Variants in PTPRN2 observed in about 807,000 individuals in gnomAD.
PTPRN2 encodes the protein receptor-type tyrosine-protein phosphatase N2.
Under a neutral mutation model 118.8 loss-of-function variants are expected in PTPRN2, and 74 were observed. The ratio of observed to expected loss-of-function variants is 0.62; its 90% CI spans 0.52 to 0.76. PTPRN2 has a LOEUF of 0.76. Ranked by LOEUF, PTPRN2 falls within the 30% of genes least tolerant of loss-of-function variation. The pLI is 0.00. For missense variants in PTPRN2, 1,481 were observed against 1,394.4 expected, an observed-to-expected ratio of 1.06 and a Z score of -0.99; for synonymous variants, 641 against 608.0, an observed-to-expected ratio of 1.05 and a Z score of -0.80.
chr7:157,963,823 G>A (rs1367153760), intron 11 of PTPRN2, among the ~76,000 whole-genome samples: 1 of 152,176 alleles, frequency 6.6e-6, no homozygotes, highest in African/African-American at 2.4e-5. Flanking sequence ...CCAATGGCCG[G>A]GGTTGCTACA....
At position 158,492,336 on chromosome 7, in the gene PTPRN2, G is replaced by A. The variant is rs75409340; in HGVS notation, c.113-2551C>T. On this transcript the variant is annotated intron_variant, in intron 1 of 22. Coordinates refer to ENST00000389418, the MANE Select transcript of PTPRN2 (RefSeq NM_002847.5). ...CAGGGATGCTGCAGACACAGCTCACGTTCTAACTCCATGTTTGTCACGTGG... is the reference window on the plus strand; with the variant it reads ...CAGGGATGCTGCAGACACAGCTCACATTCTAACTCCATGTTTGTCACGTGG... 5.9e-4 allele frequency among the ~76,000 whole-genome samples: 90 copies of A among 152,332 alleles called. 1 individual carries two copies. In the East Asian group the frequency reaches 0.014, roughly 25 times the overall value.
At chr7:158,405,308 A>AGAGGCCACC (rs1454503593) in intron 2 of PTPRN2, among the ~76,000 whole-genome samples, 3 of 152,324 alleles carry the variant, frequency 2.0e-5, no homozygotes, top group Admixed American at 2.0e-4. Flanking sequence ...GCATGGCCAC[A>AGAGGCCACC]GAGGCCACCC....
intron 2 of PTPRN2, among the ~76,000 whole-genome samples, chr7:158,337,542 GTCATTC>G (rs1805900472): frequency 2.8e-5 from 4 of 140,570 alleles, no homozygotes; most frequent in African/African-American, 1.1e-4. Context: ...ACCTGCAGAC[GTCATTC>G]ACACCCACAC....
In PTPRN2 at chr7:157,543,444, C is replaced by T. The variant is rs539650922; in HGVS notation, c.2977-2659G>A. On this transcript the variant is annotated intron_variant, in intron 22 of 22. Coordinates refer to ENST00000389418, the MANE Select transcript of PTPRN2 (RefSeq NM_002847.5). Reference sequence around the variant, plus strand: ...CCACCCCTGGGTCCACGCTGGACAGCGAGTGGGAACGCCCCTTCTCAGGCT... The same window carrying T: ...CCACCCCTGGGTCCACGCTGGACAGTGAGTGGGAACGCCCCTTCTCAGGCT... 1.1e-4 allele frequency among the ~76,000 whole-genome samples: 17 copies of T among 152,344 alleles called. No individual in the cohort carries two copies. In the East Asian group the frequency reaches 2.7e-3, roughly 24 times the overall value.
intron 1 of PTPRN2, among the ~76,000 whole-genome samples, chr7:158,572,490 C>G (rs1320119730): frequency 1.3e-5 from 2 of 152,190 alleles, no homozygotes; most frequent in African/African-American, 4.8e-5. Flanking sequence ...TCTGCTGAAC[C>G]CTTTCTGGGT....
intron 12 of PTPRN2, among the ~76,000 whole-genome samples, chr7:157,683,565 C>T (rs1797015313): frequency 6.6e-6 from 1 of 152,192 alleles, no homozygotes; most frequent in Admixed American, 6.5e-5. Context: ...CAGACCACAA[C>T]ACTTGCCACC....
chr7:158,284,294 C>G (rs2151006812), intron 3 of PTPRN2, among the ~76,000 whole-genome samples: 1 of 151,828 alleles, frequency 6.6e-6, no homozygotes, highest in African/African-American at 2.4e-5. Flanking sequence ...CCGAGTCAGC[C>G]AGGCACTGGG....
intron 1 of PTPRN2, among the ~76,000 whole-genome samples, chr7:158,492,933 C>G (rs1219202930): frequency 6.6e-6 from 1 of 152,252 alleles, no homozygotes; most frequent in Non-Finnish European, 1.5e-5. Context: ...ACTGCATACA[C>G]TAAGGTCCAG....
intron 13 of PTPRN2, among the ~76,000 whole-genome samples, chr7:157,663,257 G>A (rs773208336): frequency 9.9e-5 from 15 of 152,136 alleles, no homozygotes; most frequent in African/African-American, 2.2e-4. Context: ...AGGGCTGTGC[G>A]CGTGGAAACC....
intron 1 of PTPRN2, among the ~76,000 whole-genome samples, chr7:158,521,621 A>T (rs13240633): frequency 2.4e-5 from 1 of 41,936 alleles, no homozygotes; most frequent in African/African-American, 1.4e-4. Context: ...GTAGTGGCTC[A>T]GGAGGGAGGT....
At chr7:157,941,280 TGC>T (rs1800093572) in intron 11 of PTPRN2, among the ~76,000 whole-genome samples, 1 of 55,954 alleles carries the variant, frequency 1.8e-5, no homozygotes, top group African/African-American at 1.4e-4. Context: ...ACCACGACAC[TGC>T]AAATCTAACA....
chr7:158,414,654 G>A (rs74466165), intron 2 of PTPRN2, among the ~76,000 whole-genome samples: 4,492 of 152,330 alleles, frequency 0.029, 93 homozygotes, highest in Middle Eastern at 0.082. Flanking sequence ...TGTCCCCACC[G>A]AGGTCCTCGA....
rs1805773512 is a variant in PTPRN2 at position 157,808,452 on chromosome 7, T to C, written c.1788+90221A>G. ...GCTCAGCAGTGGCATCAGATTCTCA[T>C]AGGAGCTTGAGCCCTGTTGTGAACT... On this transcript the variant is annotated intron_variant, in intron 12 of 22. Transcript: ENST00000389418. The surrounding 1 kb of genome is among the most constrained non-coding windows in gnomAD (Gnocchi z 5.0). Among the ~76,000 whole-genome samples, 1 of 152,100 alleles carries C rather than the reference T, an allele frequency of 6.6e-6. No individual in the cohort carries two copies. Among genetic ancestry groups the C allele is most frequent in the Non-Finnish European group, 1.5e-5 (1 of 68,016 alleles).
intron 2 of PTPRN2, among the ~76,000 whole-genome samples, chr7:158,319,967 C>T (rs1210122569): frequency 5.8e-5 from 1 of 17,354 alleles, no homozygotes; most frequent in African/African-American, 1.2e-4. Context: ...ACACACACAG[C>T]CTCCCTCACA....
At chr7:157,711,514 C>T (rs1224143390) in intron 12 of PTPRN2, among the ~76,000 whole-genome samples, 2 of 152,234 alleles carry the variant, frequency 1.3e-5, no homozygotes, top group Non-Finnish European at 1.5e-5. Context: ...AGTCCTGGCC[C>T]TTCACCACGT....
intron 2 of PTPRN2, among the ~76,000 whole-genome samples, chr7:158,461,315 G>A (rs1818965710): frequency 6.6e-6 from 1 of 152,110 alleles, no homozygotes; most frequent in Non-Finnish European, 1.5e-5. Context: ...CTAACACAGT[G>A]AAACCCCGTC....
At chr7:158,014,563 C>T (rs1000203313) in intron 11 of PTPRN2, among the ~76,000 whole-genome samples, 1 of 151,980 alleles carries the variant, frequency 6.6e-6, no homozygotes, top group Non-Finnish European at 1.5e-5. Context: ...ATTCAGGAAG[C>T]CAGCCATCTT....
rs185181507 is a variant in PTPRN2, at chr7:157,868,109, C to T, written c.1788+30564G>A. ...GCCCACATGCACCTTAGAAAGGGCC[C>T]GAAACAGTTCACGAGTGGGGTGTGG... On this transcript the variant is annotated intron_variant, in intron 12 of 22. Coordinates refer to ENST00000389418, the MANE Select transcript of PTPRN2 (RefSeq NM_002847.5). The surrounding 1 kb of genome is among the most constrained non-coding windows in gnomAD (Gnocchi z 5.2). 1.1e-4 allele frequency among the ~76,000 whole-genome samples: 17 copies of T among 152,308 alleles called. No homozygotes were observed. Among genetic ancestry groups the T allele is most frequent in the African/African-American group, 2.2e-4 (9 of 41,574 alleles).
chr7:158,231,138 G>A (rs562801706), intron 3 of PTPRN2, among the ~76,000 whole-genome samples: 3 of 152,224 alleles, frequency 2.0e-5, no homozygotes, highest in African/African-American at 7.2e-5. Context: ...ATGGTGGCAT[G>A]TGCCTGTGGT....
Sources: gnomAD v4.1 joint callset for allele counts (sites outside exome capture counted in the v4.1 genomes callset) on GRCh38, gnomAD v4.1.1 for gene constraint, Gnocchi (gnomAD v3.1) non-coding constraint, MANE v1.5 for transcripts, NCBI Gene and HGNC (gene_info 2026-07-23, HGNC 2026-07-21) for gene names.